Variants in ADCY8 observed in about 807,000 individuals in gnomAD.
ADCY8 encodes adenylate cyclase 8, also known as adenylate cyclase type 8.
ADCY8 carries 51 observed loss-of-function variants against 119.7 expected under a neutral mutation model. The observed-to-expected ratio is 0.43, with a 90% CI of 0.34 to 0.54. The LOEUF (loss-of-function observed/expected upper bound fraction) is 0.54. Ranked by LOEUF, ADCY8 falls within the 20% of genes least tolerant of loss-of-function variation. The pLI is 0.03. For synonymous variants in ADCY8, 665 were observed against 651.0 expected (o/e 1.02, Z -0.33); for missense variants, 1,383 against 1,598.8 (o/e 0.87, Z 2.30).
chr8:131,025,460 G>A (rs957176885), intron 1 of ADCY8, among the ~76,000 whole-genome samples: 4 of 152,174 alleles, frequency 2.6e-5, no homozygotes, highest in Non-Finnish European at 5.9e-5. Flanking sequence ...ATACTGATGC[G>A]AATATGATTG....
chr8:131,000,459 G>A (rs1324051857), intron 1 of ADCY8, among the ~76,000 whole-genome samples: 1 of 152,122 alleles, frequency 6.6e-6, no homozygotes, highest in East Asian at 1.9e-4. Flanking sequence ...AGCATTTGTT[G>A]AGCAGAACAC....
chr8:130,845,499 A>C (rs1817267759), intron 11 of ADCY8, among the ~76,000 whole-genome samples: 1 of 152,174 alleles, frequency 6.6e-6, no homozygotes. Flanking sequence ...AGGGGGCTTG[A>C]TTGGAAACGA....
rs1451591403 is a variant in ADCY8 at position 131,039,489 on chromosome 8, T to TG, written c.844_845insC (p.Tyr282SerfsTer115). The stretch of plus-strand genomic sequence containing the variant: ...GGTGAGCGGCAGCGGCAGCATACTG[T>TG]AGGTGGCGAAGAGCGTGAAGAGCAC... On this transcript the variant is annotated frameshift_variant, in exon 1 of 18. Transcript: ENST00000286355. LOFTEE classifies it high-confidence loss of function. 2 of 1,614,008 alleles carry TG rather than the reference T, an allele frequency of 1.2e-6. No homozygotes were observed. The highest frequency in any genetic ancestry group is 3.3e-5 in the Admixed American group (2 of 60,022).
intron 1 of ADCY8, among the ~76,000 whole-genome samples, chr8:131,011,544 G>T (rs912714251): frequency 1.5e-4 from 23 of 152,152 alleles, no homozygotes; most frequent in Admixed American, 4.6e-4. Flanking sequence ...GGACAGCAAG[G>T]GCTCTGCTTT....
chr8:130,878,073 A>C (rs1020025800), intron 8 of ADCY8, among the ~76,000 whole-genome samples: 3 of 152,130 alleles, frequency 2.0e-5, no homozygotes, highest in African/African-American at 7.2e-5. Context: ...GTGCCATTTA[A>C]TTTTCACAAC....
intron 8 of ADCY8, among the ~76,000 whole-genome samples, chr8:130,880,051 C>G (rs1486417441): frequency 1.3e-5 from 2 of 152,180 alleles, no homozygotes; most frequent in South Asian, 2.1e-4. Context: ...CAAGCTCTCT[C>G]TTTGCCTGCT....
intron 16 of ADCY8, 65 bp from the exon 17 acceptor site, chr8:130,783,870 C>A (rs1231848831): frequency 2.2e-6 from 3 of 1,335,792 alleles, no homozygotes; most frequent in Non-Finnish European, 3.2e-6. Flanking sequence ...AACATTTCTG[C>A]AGCAGGGGCT....
chr8:130,884,225 A>G (rs918987603), intron 8 of ADCY8, among the ~76,000 whole-genome samples: 2 of 152,198 alleles, frequency 1.3e-5, no homozygotes, highest in African/African-American at 2.4e-5. Flanking sequence ...ATGTGAATTC[A>G]TCTAAAAGCA....
intron 1 of ADCY8, among the ~76,000 whole-genome samples, chr8:131,036,036 T>TCCC (rs1824142668): frequency 1.3e-5 from 2 of 152,184 alleles, no homozygotes; most frequent in Non-Finnish European, 2.9e-5. Flanking sequence ...TCCTCAGTCT[T>TCCC]TAATAGTTTC....
At chr8:131,033,777 C>T (rs919060537) in intron 1 of ADCY8, among the ~76,000 whole-genome samples, 1 of 151,756 alleles carries the variant, frequency 6.6e-6, no homozygotes, top group African/African-American at 2.4e-5. Context: ...AAAGCACACA[C>T]ACACACATAC....
chr8:130,978,201 G>T (rs1337814228), intron 2 of ADCY8, among the ~76,000 whole-genome samples: 1 of 152,170 alleles, frequency 6.6e-6, no homozygotes, highest in Admixed American at 6.5e-5. Context: ...ATAATTGTGT[G>T]AAAACTAAAA....
At chr8:131,004,288 C>T (rs1823045725) in intron 1 of ADCY8, among the ~76,000 whole-genome samples, 1 of 152,132 alleles carries the variant, frequency 6.6e-6, no homozygotes, top group Non-Finnish European at 1.5e-5. Flanking sequence ...CAACACCCTC[C>T]CCAGCTTTAT....
intron 15 of ADCY8, among the ~76,000 whole-genome samples, chr8:130,795,949 G>C (rs1815567282): frequency 6.6e-6 from 1 of 152,224 alleles, no homozygotes; most frequent in African/African-American, 2.4e-5. Context: ...GATCATGACT[G>C]ATCTTTGCTT....
intron 1 of ADCY8, among the ~76,000 whole-genome samples, chr8:131,011,201 A>G (rs1315813420): frequency 1.3e-5 from 2 of 152,200 alleles, no homozygotes; most frequent in African/African-American, 2.4e-5. Context: ...TTAATGACCC[A>G]TGAGTTGCTG....
chr8:131,000,761 C>T (rs542922108), intron 1 of ADCY8, among the ~76,000 whole-genome samples: 1 of 152,138 alleles, frequency 6.6e-6, no homozygotes, highest in East Asian at 1.9e-4. Flanking sequence ...CAAATCCAGG[C>T]TCGCCACATG....
chr8:130,794,008 G>T (rs2130084195), intron 15 of ADCY8, among the ~76,000 whole-genome samples: 1 of 152,192 alleles, frequency 6.6e-6, no homozygotes, highest in East Asian at 1.9e-4. Context: ...CATTATGGCT[G>T]GTGTCCTAAT....
At chr8:131,016,505 C>G (rs34396484) in intron 1 of ADCY8, among the ~76,000 whole-genome samples, 3,701 of 152,182 alleles carry the variant, frequency 0.024, 48 homozygotes, top group East Asian at 0.057. Flanking sequence ...CCCCATCTCT[C>G]TCTTTTAAAA....
intron 13 of ADCY8, among the ~76,000 whole-genome samples, chr8:130,816,388 T>C (rs953325163): frequency 8.6e-5 from 13 of 151,778 alleles, no homozygotes; most frequent in African/African-American, 2.7e-4. Context: ...TTTATCCACA[T>C]GCATGCACAC....
intron 1 of ADCY8, 184 bp from the exon 2 acceptor site, chr8:130,990,726 G>A: frequency 1.5e-6 from 1 of 667,920 alleles, no homozygotes. Context: ...CCTTTGGAGA[G>A]GGCTTCTTTC....
Sources: gnomAD v4.1 joint callset for allele counts (sites outside exome capture counted in the v4.1 genomes callset) on GRCh38, gnomAD v4.1.1 for gene constraint, MANE v1.5 for transcripts, NCBI Gene and HGNC (gene_info 2026-07-23, HGNC 2026-07-21) for gene names.